Variants in GRK3 observed in about 807,000 individuals in gnomAD.
GRK3 encodes the protein G protein-coupled receptor kinase 3.
Under a neutral mutation model 95.7 loss-of-function variants are expected in GRK3, and 54 were observed. The observed-to-expected ratio is 0.56, with a 90% CI of 0.45 to 0.71. The LOEUF (loss-of-function observed/expected upper bound fraction) is 0.71. Among genes scored for constraint, GRK3 ranks in the 30% least tolerant of loss-of-function variants. The pLI, the probability that GRK3 is intolerant of heterozygous loss-of-function variation, is 0.00. For synonymous variants in GRK3, 281 were observed against 290.8 expected (o/e 0.97, Z 0.34); for missense variants, 649 against 851.2 (o/e 0.76, Z 2.96).
At chr22:25,674,228 A>T (rs1246101584) in intron 7 of GRK3, among the ~76,000 whole-genome samples, 2 of 152,132 alleles carry the variant, frequency 1.3e-5, no homozygotes, top group Non-Finnish European at 2.9e-5. Context: ...TGCCTCGTTT[A>T]TCCTGGAGGT....
At chr22:25,567,620 G>A (rs569335082) in intron 1 of GRK3, among the ~76,000 whole-genome samples, 6 of 152,346 alleles carry the variant, frequency 3.9e-5, no homozygotes, top group African/African-American at 1.2e-4. Context: ...AGGAAGCCAT[G>A]TGATCACCAG....
At chr22:25,655,780 A>G (rs900633955) in intron 3 of GRK3, among the ~76,000 whole-genome samples, 1 of 152,206 alleles carries the variant, frequency 6.6e-6, no homozygotes, top group Non-Finnish European at 1.5e-5. Flanking sequence ...AGGCTGTCAT[A>G]GTATGAGGGC....
chr22:25,705,389 A>G (rs537383101), intron 15 of GRK3, among the ~76,000 whole-genome samples: 1 of 152,200 alleles, frequency 6.6e-6, no homozygotes, highest in South Asian at 2.1e-4. Context: ...TTTCATGTTA[A>G]TTTTTATTTT....
chr22:25,671,279 G>A (rs1424637828), intron 6 of GRK3, among the ~76,000 whole-genome samples: 20 of 152,222 alleles, frequency 1.3e-4, no homozygotes, highest in Admixed American at 1.3e-3. Context: ...GGCGGAGCTT[G>A]CAGTAAGCCG....
chr22:25,670,667 A>T (rs928803546), intron 6 of GRK3, among the ~76,000 whole-genome samples: 7 of 151,994 alleles, frequency 4.6e-5, no homozygotes, highest in African/African-American at 1.7e-4. Context: ...TGTGTAAGGA[A>T]TCATGCCAGG....
At chr22:25,675,968 A>G (rs2146418910) in intron 8 of GRK3, among the ~76,000 whole-genome samples, 1 of 152,290 alleles carries the variant, frequency 6.6e-6, no homozygotes, top group African/African-American at 2.4e-5. Flanking sequence ...CACCCTCCAC[A>G]CTTTCTGCCT....
intron 11 of GRK3, among the ~76,000 whole-genome samples, 179 bp from the exon 12 acceptor site, chr22:25,690,010 A>G (rs2085152513): frequency 6.6e-6 from 1 of 152,214 alleles, no homozygotes; most frequent in Non-Finnish European, 1.5e-5. Flanking sequence ...TGAAGTTAAC[A>G]TGAAAGATAT....
rs1162427018 is a variant in GRK3, at chr22:25,605,754, C to T, written c.190+1301C>T. Among the ~76,000 whole-genome samples, 7 of 152,278 alleles carry T rather than the reference C, an allele frequency of 4.6e-5. No homozygotes were observed. In the East Asian group the frequency reaches 5.8e-4, roughly 13 times the overall value. ...CTGCCTTCTACCCTCCCTCAGCTCC[C>T]GGCAACCACGAATTGAGTTTCTGCC... On this transcript the variant is annotated intron_variant, in intron 2 of 20. Coordinates refer to ENST00000324198, the MANE Select transcript of GRK3 (RefSeq NM_005160.4).
At chr22:25,623,248 T>C (rs2084600050) in intron 2 of GRK3, among the ~76,000 whole-genome samples, 1 of 152,210 alleles carries the variant, frequency 6.6e-6, no homozygotes, top group South Asian at 2.1e-4. Context: ...GGCCATACTT[T>C]CGTAAGTTAT....
At chr22:25,632,873 A>C (rs2084673554) in intron 2 of GRK3, among the ~76,000 whole-genome samples, 1 of 152,096 alleles carries the variant, frequency 6.6e-6, no homozygotes, top group South Asian at 2.1e-4. Flanking sequence ...CTCCAACAGC[A>C]TACTGCCTGG....
chr22:25,675,195 A>G (rs372899511), intron 8 of GRK3, among the ~76,000 whole-genome samples: 60 of 152,126 alleles, frequency 3.9e-4, no homozygotes, highest in African/African-American at 1.4e-3. Context: ...CAAAAGAGAG[A>G]CATTCTCTTT....
intron 2 of GRK3, among the ~76,000 whole-genome samples, chr22:25,606,303 G>T (rs893413260): frequency 2.0e-4 from 30 of 152,246 alleles, no homozygotes; most frequent in Admixed American, 2.0e-3. Flanking sequence ...GCTTGGGAAG[G>T]TCATGGTCAC....
At position 25,647,352 on chromosome 22, in the gene GRK3, G is replaced by T. The variant is rs185664750; in HGVS notation, c.264+2687G>T. On this transcript the variant is annotated intron_variant, in intron 3 of 20. Coordinates refer to ENST00000324198, the MANE Select transcript of GRK3 (RefSeq NM_005160.4). ...CCTGTCAGTACAAGGGTGAGCCATG[G>T]GAGCAGAACCCACTGCAGTGTCACC... The T allele has an allele frequency of 2.3e-5, 30 of 1,284,116 alleles. No homozygotes were observed. In the Admixed American group the frequency reaches 4.1e-4, roughly 17 times the overall value. 79.5% of individuals were successfully genotyped at this position (1,284,116 alleles called of 1,614,324 possible). A position where few individuals can be genotyped will look rare whatever the true frequency, so the allele number is the denominator to read the frequency against.
intron 3 of GRK3, chr22:25,647,731 G>T (rs1388976268): frequency 7.7e-7 from 1 of 1,292,964 alleles, no homozygotes; most frequent in Non-Finnish European, 1.1e-6. Context: ...TCAGGCAGAA[G>T]AATGGTATTT....
chr22:25,606,015 C>T (rs2084443173), intron 2 of GRK3, among the ~76,000 whole-genome samples: 1 of 152,092 alleles, frequency 6.6e-6, no homozygotes, highest in Non-Finnish European at 1.5e-5. Flanking sequence ...TGTCTACAGT[C>T]CCCGCAAACA....
intron 3 of GRK3, among the ~76,000 whole-genome samples, chr22:25,657,256 CT>C (rs2084878635): frequency 6.6e-6 from 1 of 152,096 alleles, no homozygotes; most frequent in East Asian, 1.9e-4. Context: ...GATTTTATAT[CT>C]AGTTGTTCTA....
At chr22:25,661,742 C>T (rs763085011) in intron 4 of GRK3, 65 bp downstream of exon 4, 6 of 1,060,846 alleles carry the variant, frequency 5.7e-6, no homozygotes, top group Non-Finnish European at 8.3e-6. Context: ...TCAGCGTTTC[C>T]AGAATGAAAG....
intron 6 of GRK3, among the ~76,000 whole-genome samples, chr22:25,668,839 A>T (rs1288526658): frequency 6.6e-6 from 1 of 152,150 alleles, no homozygotes; most frequent in Non-Finnish European, 1.5e-5. Flanking sequence ...AGGTAATTGA[A>T]AGTGGGGAAG....
At position 25,564,993 on chromosome 22, in the gene GRK3, C is replaced by G. The variant is rs756094047; in HGVS notation, c.-48C>G. 3.8e-6 allele frequency: 3 copies of G among 794,768 alleles called. No individual in the cohort carries two copies. The highest frequency in any genetic ancestry group is 3.4e-6 in the Non-Finnish European group (2 of 595,038). 49.2% of individuals were successfully genotyped at this position (794,768 alleles called of 1,614,324 possible). On this transcript the variant is annotated 5_prime_UTR_variant, in exon 1 of 21. Transcript: ENST00000324198. ...GGGCGGCGGCGGCGGGCGCGCGTCCCGTCCAGGTCCGGAGTAACCGCCGCC... is the reference window on the plus strand; with the variant it reads ...GGGCGGCGGCGGCGGGCGCGCGTCCGGTCCAGGTCCGGAGTAACCGCCGCC...
Sources: gnomAD v4.1 joint callset for allele counts (sites outside exome capture counted in the v4.1 genomes callset) on GRCh38, gnomAD v4.1.1 for gene constraint, MANE v1.5 for transcripts, NCBI Gene and HGNC (gene_info 2026-07-23, HGNC 2026-07-21) for gene names.